The following SLC33A1 variants were observed in gnomAD, a reference collection of about 807,000 sequenced individuals.
SLC33A1 encodes the protein solute carrier family 33 member 1.
In SLC33A1, 20 loss-of-function variants were observed where a neutral mutation model predicts 50.0. That is an observed-to-expected ratio of 0.40 (90% confidence interval 0.28 to 0.58). The LOEUF is 0.58. Ranked by LOEUF, SLC33A1 falls within the 20% of genes least tolerant of loss-of-function variation. The pLI, the probability that SLC33A1 is intolerant of heterozygous loss-of-function variation, is 0.44. For missense variants in SLC33A1, 476 were observed against 657.0 expected, an observed-to-expected ratio of 0.72 and a Z score of 3.01; for synonymous variants, 265 against 251.8, an observed-to-expected ratio of 1.05 and a Z score of -0.50.
At chr3:155,830,436 A>G (rs1752381822) in intron 4 of SLC33A1, among the ~76,000 whole-genome samples, 1 of 151,930 alleles carries the variant, frequency 6.6e-6, no homozygotes, top group South Asian at 2.1e-4. Context: ...CAAAGATGTG[A>G]CCTTGGTCCT....
intron 2 of SLC33A1, among the ~76,000 whole-genome samples, chr3:155,841,066 A>T (rs1670304823): frequency 6.8e-6 from 1 of 147,536 alleles, no homozygotes; most frequent in South Asian, 2.2e-4. Context: ...TTTTCTTGAG[A>T]CCCCTGTCTC....
chr3:155,834,416 G>A (rs1045428746), intron 2 of SLC33A1, among the ~76,000 whole-genome samples: 60 of 152,000 alleles, frequency 3.9e-4, no homozygotes, highest in Admixed American at 1.2e-3. Flanking sequence ...AAATCAATCT[G>A]GTTAAAATGA....
At position 155,829,757 on chromosome 3, in the gene SLC33A1, T is replaced by C. The variant is rs2109304787; in HGVS notation, c.1413A>G (p.Val471=). Residue 471 remains valine, a synonymous_variant, in exon 5 of 6, where the codon GTA becomes GTG. Coordinates refer to ENST00000643144, the MANE Select transcript of SLC33A1 (RefSeq NM_004733.4). The part of the protein sequence containing the change: ...NWPSTVALWL[V]DPLTVKECVG... ...CACACTCTTTTACTGTGAGGGGATC[T>C]ACAAGCCAAAGAGCTACTGTAGAAG... is the stretch of plus-strand genomic sequence containing the variant. 2 of 1,614,124 alleles carry C rather than the reference T, an allele frequency of 1.2e-6. No homozygotes were observed. Among genetic ancestry groups the C allele is most frequent in the Non-Finnish European group, 8.5e-7 (1 of 1,179,998 alleles).
chr3:155,838,913 C>G (rs1752813180), intron 2 of SLC33A1, among the ~76,000 whole-genome samples: 1 of 151,878 alleles, frequency 6.6e-6, no homozygotes, highest in African/African-American at 2.4e-5. Context: ...CTTTGGGAGG[C>G]TGAGGTGAAC....
chr3:155,852,227 G>C (rs1377412556), intron 1 of SLC33A1, among the ~76,000 whole-genome samples: 1 of 152,094 alleles, frequency 6.6e-6, no homozygotes, highest in Admixed American at 6.6e-5. Context: ...AGGCCAAGGA[G>C]GGGGAGAATC....
intron 2 of SLC33A1, among the ~76,000 whole-genome samples, chr3:155,841,018 G>A (rs1752916952): frequency 6.6e-6 from 1 of 151,400 alleles, no homozygotes; most frequent in Non-Finnish European, 1.5e-5. Flanking sequence ...TATGCTCCTT[G>A]AACTTTTCAT....
chr3:155,853,971 G>A lies in SLC33A1; in HGVS notation c.27C>T (p.Asp9=), dbSNP rs368325073. MSPTISHK[D]SSRQRRPGNF... ...TCCCTGGCCGCCGTTGCCGGCTGCT[G>A]TCCTTGTGGGAGATGGTGGGTGACA... Residue 9 remains aspartate (D), a synonymous_variant, in exon 1 of 6, where the codon GAC becomes GAT. Transcript: ENST00000643144. 1 of 1,544,634 alleles carries A rather than the reference G, an allele frequency of 6.5e-7. No individual in the cohort carries two copies. Among genetic ancestry groups the A allele is most frequent in the Non-Finnish European group, 8.7e-7 (1 of 1,151,124 alleles).
chr3:155,830,489 A>G (rs894829448), intron 4 of SLC33A1, among the ~76,000 whole-genome samples: 2 of 152,192 alleles, frequency 1.3e-5, no homozygotes, highest in South Asian at 4.1e-4. Flanking sequence ...AAAATGGGGA[A>G]TAAATAATTA....
chr3:155,832,748 A>G (rs965566061), intron 4 of SLC33A1, among the ~76,000 whole-genome samples: 13 of 145,932 alleles, frequency 8.9e-5, no homozygotes, highest in African/African-American at 3.2e-4. Flanking sequence ...AAAAAAAAAA[A>G]GCAGAAGCTA....
rs869180951 is a variant in SLC33A1 at position 155,844,457 on chromosome 3, ATTTTTTTTTTTT to A, written c.776-1850_776-1839del. On this transcript the variant is annotated intron_variant, in intron 1 of 5. Coordinates refer to ENST00000643144, the MANE Select transcript of SLC33A1 (RefSeq NM_004733.4). The stretch of plus-strand genomic sequence containing the variant: ...TATATATATATATATATATATATAT[ATTTTTTTTTTTT>A]TTTTTTTTTTTTTTTTTGAGACGGA... Among the ~76,000 whole-genome samples, 35 of 33,566 alleles carry A rather than the reference ATTTTTTTTTTTT, an allele frequency of 1.0e-3. 1 individual carries two copies. The highest frequency in any genetic ancestry group is 2.9e-3 in the African/African-American group (33 of 11,250). 22.0% of individuals were successfully genotyped at this position (33,566 alleles called of 152,430 possible). A position where few individuals can be genotyped will look rare whatever the true frequency, so the allele number is the denominator to read the frequency against.
At chr3:155,830,379 A>C (rs1752378907) in intron 4 of SLC33A1, among the ~76,000 whole-genome samples, 1 of 151,772 alleles carries the variant, frequency 6.6e-6, no homozygotes, top group African/African-American at 2.4e-5. Context: ...TCTCAAAAAA[A>C]ATAAATAAAT....
In SLC33A1 at chr3:155,824,108, T is replaced by A. The variant is rs527450248; in HGVS notation, c.*4102A>T. On this transcript the variant is annotated 3_prime_UTR_variant, in exon 6 of 6. Coordinates refer to ENST00000643144, the MANE Select transcript of SLC33A1 (RefSeq NM_004733.4). ...TAAAAAAAAGTCTCAGCAGTTACAA[T>A]GTACAGTATCACCTTCCCTTCTGTA... is the stretch of plus-strand genomic sequence containing the variant. 3 of 152,234 alleles carry A rather than the reference T, an allele frequency of 2.0e-5. No individual in the cohort carries two copies. Among genetic ancestry groups the A allele is most frequent in the African/African-American group, 7.2e-5 (3 of 41,490 alleles). 9.4% of individuals were successfully genotyped at this position (152,234 alleles called of 1,614,324 possible).
rs1752116230 is a variant in SLC33A1 at position 155,822,576 on chromosome 3, T to TAA, written c.*5633_*5634insTT. On this transcript the variant is annotated 3_prime_UTR_variant, in exon 6 of 6. Coordinates refer to ENST00000643144, the MANE Select transcript of SLC33A1 (RefSeq NM_004733.4). ...CTGGGCGACAGAGCAAGACTCCATC[T>TAA]CAAAAAAAAAAAAAAAAAGAAATTT... is the stretch of plus-strand genomic sequence containing the variant. 3.5e-5 allele frequency: 1 copy of TAA among 28,338 alleles called. No individual in the cohort carries two copies. Among genetic ancestry groups the TAA allele is most frequent in the Admixed American group, 4.6e-4 (1 of 2,154 alleles). 1.8% of individuals were successfully genotyped at this position (28,338 alleles called of 1,614,324 possible).
chr3:155,850,101 C>G (rs1297914024), intron 1 of SLC33A1, among the ~76,000 whole-genome samples: 1 of 151,328 alleles, frequency 6.6e-6, no homozygotes, highest in African/African-American at 2.4e-5. Context: ...CTCCGCCTCC[C>G]AGGTTGAAGC....
intron 1 of SLC33A1, among the ~76,000 whole-genome samples, chr3:155,847,779 T>G (rs1050067634): frequency 6.6e-6 from 1 of 151,694 alleles, no homozygotes; most frequent in Non-Finnish European, 1.5e-5. Context: ...AATAAATAAA[T>G]AAATAAAGCA....
At position 155,826,050 on chromosome 3, in the gene SLC33A1, A is replaced by G. The variant is rs1488236044; in HGVS notation, c.*2160T>C. The G allele has an allele frequency of 4.6e-5, 7 of 152,230 alleles. No homozygotes were observed. The highest frequency in any genetic ancestry group is 4.6e-4 in the Admixed American group (7 of 15,284). The allele number at this position is 152,230 out of a possible 1,614,324, so 9.4% of individuals were successfully genotyped here. The stretch of plus-strand genomic sequence containing the variant: ...ATGGCTTTCACCTTAAAGGCTTAAA[A>G]TGTTTTAAAACTTCAAGTCATTAAA... On this transcript the variant is annotated 3_prime_UTR_variant, in exon 6 of 6. Transcript: ENST00000643144.
intron 2 of SLC33A1, among the ~76,000 whole-genome samples, chr3:155,841,778 C>T (rs1752948095): frequency 6.6e-6 from 1 of 151,902 alleles, no homozygotes. Flanking sequence ...GACAGAGTCT[C>T]GCTCTGTCGC....
chr3:155,842,030 G>T (rs1577469970), intron 2 of SLC33A1, among the ~76,000 whole-genome samples: 1 of 152,208 alleles, frequency 6.6e-6, no homozygotes. Context: ...TTACAGGCTT[G>T]AGCCACCACA....
chr3:155,850,615 C>T (rs1161095151), intron 1 of SLC33A1, among the ~76,000 whole-genome samples: 12 of 151,500 alleles, frequency 7.9e-5, no homozygotes, highest in South Asian at 2.1e-4. Context: ...TTTACACTGA[C>T]TTATTCTTTT....
Sources: allele counts gnomAD v4.1 joint callset (sites outside exome capture counted in the v4.1 genomes callset), GRCh38; gene constraint gnomAD v4.1.1; transcripts MANE v1.5; gene names NCBI Gene and HGNC (gene_info 2026-07-23, HGNC 2026-07-21).